Variants in VRTN observed in about 807,000 individuals in gnomAD.
VRTN encodes the protein vertnin.
In VRTN, 5 loss-of-function variants were observed where a neutral mutation model predicts 18.2. The ratio of observed to expected loss-of-function variants is 0.27; its 90% CI spans 0.14 to 0.58. VRTN has a LOEUF of 0.58. Among genes scored for constraint, VRTN ranks in the 20% least tolerant of loss-of-function variants. The pLI, the probability that VRTN is intolerant of heterozygous loss-of-function variation, is 0.91. For missense variants in VRTN, 741 were observed against 939.4 expected (o/e 0.79, Z 2.76); for synonymous variants, 381 against 393.7 (o/e 0.97, Z 0.38).
At chr14:74,324,410 AAGG>A (rs2085475583) in intron 1 of VRTN, among the ~76,000 whole-genome samples, 2 of 143,178 alleles carry the variant, frequency 1.4e-5, no homozygotes, top group African/African-American at 5.2e-5. Context: ...AAAAAAAAAG[AAGG>A]ATTTATTTTA....
chr14:74,306,173 T>TATATATATATGTATG (rs1491480014), intron 1 of VRTN: 15 of 48,032 alleles, frequency 3.1e-4, no homozygotes, highest in African/African-American at 1.4e-3. Flanking sequence ...TATATATATA[T>TATATATATATGTATG]TTTTTTTTTT....
At chr14:74,342,586 A>C (rs910698549) in intron 2 of VRTN, among the ~76,000 whole-genome samples, 3 of 152,180 alleles carry the variant, frequency 2.0e-5, no homozygotes, top group Admixed American at 1.3e-4. Context: ...AAAAAGGGCT[A>C]TAATCCAATA....
At chr14:74,323,337 A>C (rs2085467811) in intron 1 of VRTN, among the ~76,000 whole-genome samples, 1 of 151,932 alleles carries the variant, frequency 6.6e-6, no homozygotes, top group Non-Finnish European at 1.5e-5. Flanking sequence ...TAATCCCAGC[A>C]CTTTGGGAGG....
At chr14:74,322,888 C>A (rs1036524830) in intron 1 of VRTN, among the ~76,000 whole-genome samples, 18 of 152,156 alleles carry the variant, frequency 1.2e-4, no homozygotes, top group African/African-American at 4.3e-4. Context: ...AATCCCAGCA[C>A]CTTGAGAGGC....
upstream of VRTN, among the ~76,000 whole-genome samples, chr14:74,345,019 C>T (rs1181840512): frequency 6.6e-6 from 1 of 152,028 alleles, no homozygotes; most frequent in Non-Finnish European, 1.5e-5. Context: ...AATTTGAATC[C>T]TGATCTTTTT....
chr14:74,315,236 C>T (rs750287391), intron 1 of VRTN, among the ~76,000 whole-genome samples: 12 of 151,976 alleles, frequency 7.9e-5, no homozygotes, highest in Non-Finnish European at 1.8e-4. Context: ...GAAATTGAGA[C>T]GGAGTCTCAC....
chr14:74,325,299 A>G (rs865908462), intron 1 of VRTN, among the ~76,000 whole-genome samples: 1 of 152,138 alleles, frequency 6.6e-6, no homozygotes, highest in African/African-American at 2.4e-5. Context: ...TAGAAGGAAA[A>G]AGAGACTTTG....
In VRTN at chr14:74,317,418, C is replaced by T. The variant is rs932747299; in HGVS notation, c.-164+14242C>T. ...GGATATTTTCGGTTGTCATAACTGA[C>T]GGATGCTATTGTCTTCTAGTGAGTG... On this transcript the variant is annotated intron_variant, in intron 1 of 2. Coordinates refer to the VRTN transcript ENST00000557177. Among the ~76,000 whole-genome samples, 6 of 152,200 alleles carry T rather than the reference C, an allele frequency of 3.9e-5. No individual in the cohort carries two copies. In the South Asian group the frequency reaches 6.2e-4, roughly 16 times the overall value.
chr14:74,320,249 CTTTTTTTTTTTTTTTTT>C (rs71115982), intron 1 of VRTN, among the ~76,000 whole-genome samples: 4 of 72,690 alleles, frequency 5.5e-5, no homozygotes, highest in African/African-American at 2.5e-4. Flanking sequence ...GATCCCATCC[CTTTTTTTTTTTTTTTTT>C]TTTTTTTTTT....
intron 1 of VRTN, among the ~76,000 whole-genome samples, chr14:74,349,160 G>A (rs2085666138): frequency 6.6e-6 from 1 of 152,164 alleles, no homozygotes; most frequent in South Asian, 2.1e-4. Flanking sequence ...GTGGCCTCAG[G>A]CCCACCCCTG....
In VRTN at chr14:74,305,330, CAAAAA is replaced by C. The variant is rs71115979; in HGVS notation, c.-164+2168_-164+2172del. 2.4e-3 allele frequency: 298 copies of C among 122,666 alleles called. 8 individuals carry two copies. The East Asian group carries it at 0.062, about 26-fold the overall frequency. 7.6% of individuals were successfully genotyped at this position (122,666 alleles called of 1,614,324 possible). On this transcript the variant is annotated intron_variant, in intron 1 of 2. Coordinates refer to the VRTN transcript ENST00000557177. The stretch of plus-strand genomic sequence containing the variant: ...CTGGGTGACAAGAGTGAGACTGTTT[CAAAAA>C]AAAAAAAAAAAAAGAAGAAGAAGAA...
Position 74,356,957 on chromosome 14 carries a change from G to A in VRTN, c.174G>A (p.Val58=), listed in dbSNP as rs1241675715. Residue 58 remains valine (V), a synonymous_variant, in exon 2 of 2, where the codon GTG becomes GTA. Transcript: ENST00000256362. ...GCCCTGGCCTCCAGGTGCTGGAAGT[G>A]GACTCGGTGGCCCTGAGCCTGTATC... is the stretch of plus-strand genomic sequence containing the variant. ...EGGPGLQVLE[V]DSVALSLYPE... is the part of the protein sequence containing the mutation. The A allele has an allele frequency of 6.2e-7, 1 of 1,613,810 alleles. No homozygotes were observed. Among genetic ancestry groups the A allele is most frequent in the African/African-American group, 1.3e-5 (1 of 74,928 alleles).
intron 1 of VRTN, among the ~76,000 whole-genome samples, chr14:74,350,292 G>T (rs544837263): frequency 1.3e-5 from 2 of 151,988 alleles, no homozygotes; most frequent in Non-Finnish European, 2.9e-5. Flanking sequence ...CAGAAGTGGG[G>T]TATCACATAC....
intron 1 of VRTN, among the ~76,000 whole-genome samples, chr14:74,327,362 ACT>A (rs978385973): frequency 6.6e-6 from 1 of 151,884 alleles, no homozygotes; most frequent in African/African-American, 2.4e-5. Flanking sequence ...CTTCCCTCAA[ACT>A]CTCTTGCACA....
upstream of VRTN, among the ~76,000 whole-genome samples, chr14:74,344,407 CAAAAAA>C (rs58231760): frequency 1.5e-5 from 1 of 66,284 alleles, no homozygotes; most frequent in Admixed American, 1.9e-4. Context: ...AAGACTGTCT[CAAAAAA>C]AAAAAAAAAA....
rs953579250 is a variant in VRTN at position 74,359,112 on chromosome 14, C to A, written c.*220C>A. ...TAGGAAACTGTGGGACCAGAGATAT[C>A]CTCTTTCGTTGTTTGCTGGTCATAT... On this transcript the variant is annotated 3_prime_UTR_variant, in exon 2 of 2. Coordinates refer to ENST00000256362, the MANE Select transcript of VRTN (RefSeq NM_018228.3). 1 of 858,684 alleles carries A rather than the reference C, an allele frequency of 1.2e-6. No homozygotes were observed. The highest frequency in any genetic ancestry group is 1.6e-6 in the Non-Finnish European group (1 of 617,430). The allele number at this position is 858,684 out of a possible 1,614,324, so 53.2% of individuals were successfully genotyped here.
At chr14:74,345,971 G>C (rs1035946916), upstream of VRTN, among the ~76,000 whole-genome samples, 1 of 150,142 alleles carries the variant, frequency 6.7e-6, no homozygotes, top group Admixed American at 6.6e-5. Flanking sequence ...AATACCCATA[G>C]AGAAACTAGA....
chr14:74,341,409 GTAGCTGA>G (rs1380556382), intron 2 of VRTN, among the ~76,000 whole-genome samples: 3 of 152,194 alleles, frequency 2.0e-5, no homozygotes, highest in African/African-American at 7.2e-5. Context: ...CTTGCTTTTA[GTAGCTGA>G]TGCAAGTTCA....
rs748145892 is a variant in VRTN at position 74,356,763 on chromosome 14, T to C, written c.-1-20T>C. 3.8e-6 allele frequency: 6 copies of C among 1,565,280 alleles called. No homozygotes were observed. Among genetic ancestry groups the C allele is most frequent in the Non-Finnish European group, 5.2e-6 (6 of 1,154,324 alleles). On this transcript the variant is annotated intron_variant, in intron 1 of 1. Coordinates refer to ENST00000256362, the MANE Select transcript of VRTN (RefSeq NM_018228.3). The stretch of plus-strand genomic sequence containing the variant: ...GGCACTTCGACCTGACTACTGCCCC[T>C]TTATCTTTTGCCCTGGCAGGATGAC...
Sources: allele counts gnomAD v4.1 joint callset (sites outside exome capture counted in the v4.1 genomes callset), GRCh38; gene constraint gnomAD v4.1.1; transcripts MANE v1.5; gene names NCBI Gene and HGNC (gene_info 2026-07-23, HGNC 2026-07-21).